The following CAPZB variants were observed in gnomAD, a reference collection of about 807,000 sequenced individuals.
CAPZB encodes the protein capping actin protein of muscle Z-line subunit beta, also known as F-actin-capping protein subunit beta.
Under a neutral mutation model 38.1 loss-of-function variants are expected in CAPZB, and 2 were observed. That is an observed-to-expected ratio of 0.05 (90% CI 0.02 to 0.17). CAPZB has a LOEUF of 0.17. CAPZB is among the 10% of genes least tolerant of loss of function. CAPZB has a pLI of 1.00. For missense variants in CAPZB, 161 were observed against 334.2 expected, an observed-to-expected ratio of 0.48 and a Z score of 4.04; for synonymous variants, 107 against 127.4, an observed-to-expected ratio of 0.84 and a Z score of 1.08.
intron 1 of CAPZB, among the ~76,000 whole-genome samples, chr1:19,437,533 A>C (rs1307631637): frequency 6.6e-6 from 1 of 152,228 alleles, no homozygotes; most frequent in Non-Finnish European, 1.5e-5. Flanking sequence ...CAGAATGCTA[A>C]GTCCGCTAGC....
At chr1:19,408,476 G>A (rs1235047511) in intron 2 of CAPZB, among the ~76,000 whole-genome samples, 1 of 150,906 alleles carries the variant, frequency 6.6e-6, no homozygotes, top group East Asian at 2.0e-4. Context: ...GCTCTAGTGA[G>A]CCACCCAGGG....
intron 1 of CAPZB, chr1:19,484,706 G>C (rs963234186): frequency 2.8e-6 from 3 of 1,090,320 alleles, no homozygotes; most frequent in East Asian, 1.5e-4. Context: ...GCAGGACCCT[G>C]ATGAGAGGCT....
intron 1 of CAPZB, among the ~76,000 whole-genome samples, chr1:19,464,212 G>C (rs67705352): frequency 1.4e-5 from 2 of 146,390 alleles, no homozygotes; most frequent in African/African-American, 5.1e-5. Context: ...AAAGAGAAAA[G>C]AAAGAGAGGA....
intron 6 of CAPZB, among the ~76,000 whole-genome samples, chr1:19,350,605 A>G (rs2093986486): frequency 1.4e-5 from 1 of 68,986 alleles, no homozygotes; most frequent in South Asian, 4.5e-4. Context: ...ATATGGTAGT[A>G]GCAGTAATTG....
chr1:19,359,216 T>C (rs1447645885), intron 4 of CAPZB, among the ~76,000 whole-genome samples: 6 of 148,506 alleles, frequency 4.0e-5, no homozygotes, highest in African/African-American at 1.5e-4. Flanking sequence ...TACTCTTTTT[T>C]TTTTTTTTTT....
intron 6 of CAPZB, among the ~76,000 whole-genome samples, chr1:19,352,502 G>A (rs190240252): frequency 6.6e-6 from 1 of 152,378 alleles, no homozygotes; most frequent in Admixed American, 6.5e-5. Flanking sequence ...TAGGAGAAGT[G>A]ACCTCTCAGT....
At chr1:19,369,201 A>T (rs2094107205) in intron 4 of CAPZB, among the ~76,000 whole-genome samples, 1 of 152,222 alleles carries the variant, frequency 6.6e-6, no homozygotes, top group African/African-American at 2.4e-5. Flanking sequence ...CAGCCTTGGG[A>T]TGCCAGATGA....
chr1:19,460,380 C>A lies in CAPZB; in HGVS notation c.3+25056G>T, dbSNP rs2094547070. Among the ~76,000 whole-genome samples, 2 of 152,148 alleles carry A rather than the reference C, an allele frequency of 1.3e-5. 1 individual carries two copies. Among genetic ancestry groups the A allele is most frequent in the South Asian group, 4.1e-4 (2 of 4,834 alleles). Reference sequence around the variant, plus strand: ...CAAGCTCTGCCTCCCGGGTTCACACCATTCTCCTGCCTCAGCCTCCCGAGT... The same window carrying A: ...CAAGCTCTGCCTCCCGGGTTCACACAATTCTCCTGCCTCAGCCTCCCGAGT... On this transcript the variant is annotated intron_variant, in intron 1 of 8. Coordinates refer to ENST00000264202, the MANE Select transcript of CAPZB (RefSeq NM_004930.5).
intron 1 of CAPZB, among the ~76,000 whole-genome samples, chr1:19,420,387 T>C (rs550409363): frequency 6.6e-6 from 1 of 152,180 alleles, no homozygotes; most frequent in African/African-American, 2.4e-5. Context: ...AGACAACCAT[T>C]ACTCTTGTTT....
intron 4 of CAPZB, among the ~76,000 whole-genome samples, chr1:19,368,686 G>C (rs2094104301): frequency 7.2e-6 from 1 of 138,950 alleles, no homozygotes; most frequent in Admixed American, 7.4e-5. Flanking sequence ...TTTTTAATTA[G>C]ACATGGGGTC....
At chr1:19,374,757 G>A (rs1368612980) in intron 4 of CAPZB, among the ~76,000 whole-genome samples, 1 of 152,200 alleles carries the variant, frequency 6.6e-6, no homozygotes, top group Non-Finnish European at 1.5e-5. Flanking sequence ...GCCAGCAGAC[G>A]GGAGCATTGG....
In CAPZB at chr1:19,356,052, A is replaced by G. The variant is rs746286467; in HGVS notation, c.588+583T>C. ...CTAGTGATACCCAAACAAAAGATGG[A>G]TAAGAGAGAGGTATCCAGTAGGGCA... On this transcript the variant is annotated intron_variant, in intron 6 of 8. Coordinates refer to ENST00000264202, the MANE Select transcript of CAPZB (RefSeq NM_004930.5). This position sits in a 1 kb window ranked among gnomAD's most constrained non-coding sequence, Gnocchi z 4.3. 1.3e-5 allele frequency among the ~76,000 whole-genome samples: 2 copies of G among 152,186 alleles called. No homozygotes were observed. The highest frequency in any genetic ancestry group is 4.8e-5 in the African/African-American group (2 of 41,444).
At chr1:19,386,075 G>A (rs1355154575) in intron 2 of CAPZB, among the ~76,000 whole-genome samples, 2 of 152,216 alleles carry the variant, frequency 1.3e-5, no homozygotes. Flanking sequence ...TATGCTGGGT[G>A]GAGTCTCCAG....
chr1:19,339,232 ATGCC>A lies in CAPZB; in HGVS notation c.*294_*297del. The A allele has an allele frequency of 2.5e-6, 1 of 404,592 alleles. No individual in the cohort carries two copies. The highest frequency in any genetic ancestry group is 4.2e-5 in the Admixed American group (1 of 24,028). The allele number at this position is 404,592 out of a possible 1,614,324, so 25.1% of individuals were successfully genotyped here. On this transcript the variant is annotated 3_prime_UTR_variant, in exon 9 of 9. Transcript: ENST00000264202. Reference sequence around the variant, plus strand: ...GGGAGGCTGGCAGACAGTGGATTTTATGCCTATAAATGGGGGGACAGGGAGGAAG... The same window carrying A: ...GGGAGGCTGGCAGACAGTGGATTTTATATAAATGGGGGGACAGGGAGGAAG...
In CAPZB at chr1:19,345,172, GC is replaced by G. The variant is rs749797859; in HGVS notation, c.654+14del. On this transcript the variant is annotated intron_variant, in intron 7 of 8. Transcript: ENST00000264202. ...TGGGTCACTGCAGGAGCCAGCCAGA[GC>G]CCAGGTCACTCACCTCTACCAGGCG... The G allele has an allele frequency of 3.7e-6, 6 of 1,610,708 alleles. No homozygotes were observed. The Admixed American group carries it at 1.0e-4, about 27-fold the overall frequency.
At chr1:19,346,734 G>A (rs1020183991) in intron 6 of CAPZB, among the ~76,000 whole-genome samples, 5 of 151,534 alleles carry the variant, frequency 3.3e-5, no homozygotes, top group African/African-American at 4.9e-5. Context: ...CACTTTAAAC[G>A]ACCAGGCTTC....
At chr1:19,391,657 C>T (rs1240777899) in intron 2 of CAPZB, among the ~76,000 whole-genome samples, 4 of 152,238 alleles carry the variant, frequency 2.6e-5, no homozygotes, top group African/African-American at 7.2e-5. Flanking sequence ...ACACCAACCT[C>T]GAAACCGAAC....
At chr1:19,440,307 G>C (rs1160637881) in intron 1 of CAPZB, among the ~76,000 whole-genome samples, 2 of 152,016 alleles carry the variant, frequency 1.3e-5, no homozygotes, top group African/African-American at 2.4e-5. Flanking sequence ...CAAAGTGCTG[G>C]GATTACAGGT....
At chr1:19,366,139 A>G (rs1026278407) in intron 4 of CAPZB, among the ~76,000 whole-genome samples, 5 of 151,620 alleles carry the variant, frequency 3.3e-5, no homozygotes, top group Non-Finnish European at 5.9e-5. Context: ...AGTAGCAGCA[A>G]GACTTGGGAC....
Sources: gnomAD v4.1 joint callset for allele counts (sites outside exome capture counted in the v4.1 genomes callset) on GRCh38, gnomAD v4.1.1 for gene constraint, Gnocchi (gnomAD v3.1) non-coding constraint, MANE v1.5 for transcripts, NCBI Gene and HGNC (gene_info 2026-07-23, HGNC 2026-07-21) for gene names.